The following NIPAL3 variants were observed in gnomAD, a reference collection of about 807,000 sequenced individuals.
The protein encoded by NIPAL3 is NIPA-like protein 3.
A neutral mutation model predicts 47.2 loss-of-function variants in NIPAL3; 41 were observed. The ratio of observed to expected loss-of-function variants is 0.87; its 90% CI spans 0.68 to 1.13. NIPAL3 has a LOEUF of 1.13. Ranked by LOEUF, NIPAL3 falls within the 50% of genes most tolerant of loss-of-function variation. NIPAL3 has a pLI of 0.00. For missense variants in NIPAL3, 449 were observed against 530.1 expected (o/e 0.85, Z 1.50); for synonymous variants, 194 against 209.6 (o/e 0.93, Z 0.64).
rs1291458148 is a variant in NIPAL3, at chr1:24,423,624, C to T, written c.93+3984C>T. 3.3e-5 allele frequency among the ~76,000 whole-genome samples: 5 copies of T among 152,008 alleles called. No homozygotes were observed. The East Asian group carries it at 7.7e-4, about 23-fold the overall frequency. ...CAGCCTGGGGGACAGATCGAGACTC[C>T]GCCTCACACACACACACAAAAAAGG... is the stretch of plus-strand genomic sequence containing the variant. On this transcript the variant is annotated intron_variant, in intron 2 of 11. Transcript: ENST00000374399.
rs74060365 is a variant in NIPAL3, at chr1:24,472,206, C to T, written c.*3021C>T. 3,601 of 152,248 alleles carry T rather than the reference C, an allele frequency of 0.024. 135 individuals carry two copies. The highest frequency in any genetic ancestry group is 0.079 in the African/African-American group (3,268 of 41,524). The allele number at this position is 152,248 out of a possible 1,614,324, so 9.4% of individuals were successfully genotyped here. A position where few individuals can be genotyped will look rare whatever the true frequency, so the allele number is the denominator to read the frequency against. On this transcript the variant is annotated 3_prime_UTR_variant, in exon 12 of 12. Transcript: ENST00000374399. ...AGTGGCATCATCCCACCAACCTGAG[C>T]CATGAAAGGGCTGAGCAGAAAGTTA...
rs896061402 is a variant in NIPAL3, at chr1:24,416,322, C to T, written c.-258+418C>T. On this transcript the variant is annotated intron_variant, in intron 1 of 11. Coordinates refer to ENST00000374399, the MANE Select transcript of NIPAL3 (RefSeq NM_020448.5). This position sits in a 1 kb window ranked among gnomAD's most constrained non-coding sequence, Gnocchi z 4.8. ...GTTGTAAGTTTCCAGCTCAGTGGGA[C>T]GGGACGGAAGAATGTAACCTTCTCG... is the stretch of plus-strand genomic sequence containing the variant. 2.0e-6 allele frequency: 2 copies of T among 985,160 alleles called. No homozygotes were observed. The highest frequency in any genetic ancestry group is 2.4e-6 in the Non-Finnish European group (2 of 829,932). 61.0% of individuals were successfully genotyped at this position (985,160 alleles called of 1,614,324 possible).
chr1:24,430,884 CATTT>C (rs1345373604), intron 2 of NIPAL3, among the ~76,000 whole-genome samples: 1 of 152,178 alleles, frequency 6.6e-6, no homozygotes, highest in Non-Finnish European at 1.5e-5. Context: ...TATATTTTTA[CATTT>C]ATTATGTAGT....
intron 6 of NIPAL3, among the ~76,000 whole-genome samples, chr1:24,453,012 G>C (rs1295573730): frequency 1.3e-5 from 2 of 152,028 alleles, no homozygotes; most frequent in Non-Finnish European, 2.9e-5. Flanking sequence ...TCACATTCTT[G>C]ACCAAATAGG....
At chr1:24,422,945 G>A (rs1557484659) in intron 2 of NIPAL3, among the ~76,000 whole-genome samples, 1 of 152,210 alleles carries the variant, frequency 6.6e-6, no homozygotes, top group African/African-American at 2.4e-5. Flanking sequence ...AAATTTTAAT[G>A]AAGAGGGTGC....
At chr1:24,420,286 GAGGCC>G (rs1211084511) in intron 2 of NIPAL3, among the ~76,000 whole-genome samples, 2 of 152,120 alleles carry the variant, frequency 1.3e-5, no homozygotes, top group Admixed American at 1.3e-4. Context: ...AGGATCTCTT[GAGGCC>G]AGAAGTTTGA....
chr1:24,427,624 C>T (rs1644655646), intron 2 of NIPAL3, among the ~76,000 whole-genome samples: 1 of 152,012 alleles, frequency 6.6e-6, no homozygotes, highest in Non-Finnish European at 1.5e-5. Context: ...ACAATGGAGA[C>T]AGTCTGGAGG....
rs569681515 is a variant in NIPAL3, at chr1:24,441,999, A to G, written c.163-56A>G. The G allele has an allele frequency of 2.6e-4, 415 of 1,579,394 alleles. 4 individuals are homozygous for G. The highest frequency in any genetic ancestry group is 2.4e-3 in the South Asian group (211 of 87,368). On this transcript the variant is annotated intron_variant, in intron 3 of 11. Coordinates refer to ENST00000374399, the MANE Select transcript of NIPAL3 (RefSeq NM_020448.5). ...GGGGTGGATTTAGGGTACCTACATC[A>G]TAGCATTTTTTTCCCCAAACATCTG...
At chr1:24,427,888 C>T (rs1403960870) in intron 2 of NIPAL3, among the ~76,000 whole-genome samples, 1 of 152,140 alleles carries the variant, frequency 6.6e-6, no homozygotes, top group East Asian at 1.9e-4. Flanking sequence ...TTCTCTGGCC[C>T]CGCTTCTCCA....
chr1:24,466,379 T>C (rs1030235498), intron 11 of NIPAL3: 6 of 214,760 alleles, frequency 2.8e-5, no homozygotes, highest in Admixed American at 5.7e-5. Context: ...AGACAAAAAA[T>C]GGACATTGTC....
At chr1:24,421,148 G>A (rs559056868) in intron 2 of NIPAL3, among the ~76,000 whole-genome samples, 2 of 152,024 alleles carry the variant, frequency 1.3e-5, no homozygotes, top group South Asian at 4.2e-4. Flanking sequence ...ATGAAACCCT[G>A]TCTCTACCAA....
intron 3 of NIPAL3, among the ~76,000 whole-genome samples, chr1:24,441,557 C>A (rs576361689): frequency 1.3e-5 from 2 of 152,164 alleles, no homozygotes; most frequent in South Asian, 4.1e-4. Context: ...CCCACTGATA[C>A]CCACACAACT....
intron 2 of NIPAL3, among the ~76,000 whole-genome samples, chr1:24,427,780 C>G (rs1197630060): frequency 6.6e-6 from 1 of 152,152 alleles, no homozygotes; most frequent in Non-Finnish European, 1.5e-5. Flanking sequence ...TCAATACCAG[C>G]CTTTATTATC....
Position 24,451,968 on chromosome 1 carries a change from A to G in NIPAL3, c.541-1440A>G, listed in dbSNP as rs940873127. On this transcript the variant is annotated intron_variant, in intron 6 of 11. Coordinates refer to ENST00000374399, the MANE Select transcript of NIPAL3 (RefSeq NM_020448.5). The surrounding 1 kb of genome is among the most constrained non-coding windows in gnomAD (Gnocchi z 4.5). ...TTCACTGGAACAAAGACAAAGAAGA[A>G]ACGGGGAAATGAAAGCAGCTGTGTT... is the stretch of plus-strand genomic sequence containing the variant. Among the ~76,000 whole-genome samples the G allele has an allele frequency of 6.6e-6, 1 of 152,154 alleles. No individual in the cohort carries two copies. Among genetic ancestry groups the G allele is most frequent in the Non-Finnish European group, 1.5e-5 (1 of 68,012 alleles).
chr1:24,442,138 G>A lies in NIPAL3; in HGVS notation c.246G>A (p.Leu82=). 6.2e-7 allele frequency: 1 copy of A among 1,614,192 alleles called. No homozygotes were observed. Among genetic ancestry groups the A allele is most frequent in the African/African-American group, 1.3e-5 (1 of 75,060 alleles). ...AGACATGGTGGCTGGGCCTGTTCCT[G>A]ATGCTTCTGGGCGAGCTGGGTGTGT... The part of the protein sequence containing the change: ...KTKTWWLGLF[L]MLLGELGVFA... Residue 82 remains leucine, a synonymous_variant, in exon 4 of 12, where the codon CTG becomes CTA. Coordinates refer to ENST00000374399, the MANE Select transcript of NIPAL3 (RefSeq NM_020448.5).
chr1:24,446,733 T>C (rs1335660450), intron 5 of NIPAL3, among the ~76,000 whole-genome samples: 1 of 152,234 alleles, frequency 6.6e-6, no homozygotes, highest in Non-Finnish European at 1.5e-5. Flanking sequence ...AGTGAACATA[T>C]GTGCACATGT....
chr1:24,449,589 C>G lies in NIPAL3; in HGVS notation c.503C>G (p.Thr168Ser). 1 of 1,614,016 alleles carries G rather than the reference C, an allele frequency of 6.2e-7. No individual in the cohort carries two copies. Among genetic ancestry groups the G allele is most frequent in the South Asian group, 1.1e-5 (1 of 91,072 alleles). ...SHEKMTGENV[T>S]RHLVSWPFLL... The stretch of plus-strand genomic sequence containing the variant: ...GAGAAGATGACAGGCGAGAATGTCA[C>G]CAGGCACCTCGTGAGCTGGCCTTTC... Residue 168 changes from threonine to serine, a missense_variant, in exon 6 of 12, where the codon ACC (threonine) becomes AGC (serine). Transcript: ENST00000374399. The surrounding 1 kb of genome is among the most constrained non-coding windows in gnomAD (Gnocchi z 4.5).
rs143362178 is a variant in NIPAL3, at chr1:24,451,351, C to T, written c.540+1725C>T. On this transcript the variant is annotated intron_variant, in intron 6 of 11. Coordinates refer to ENST00000374399, the MANE Select transcript of NIPAL3 (RefSeq NM_020448.5). This position sits in a 1 kb window ranked among gnomAD's most constrained non-coding sequence, Gnocchi z 4.5. ...ACTGTTGGGAGGCACCACATATGCA[C>T]AGCCATCTCATGATATAATGTCCAG... Among the ~76,000 whole-genome samples, 1 of 152,266 alleles carries T rather than the reference C, an allele frequency of 6.6e-6. No individual in the cohort carries two copies. The highest frequency in any genetic ancestry group is 1.9e-4 in the East Asian group (1 of 5,178).
Position 24,415,842 on chromosome 1 carries a change from A to G in NIPAL3, c.-320A>G, listed in dbSNP as rs1281814251. The G allele has an allele frequency of 4.1e-6, 4 of 985,390 alleles. No individual in the cohort carries two copies. The highest frequency in any genetic ancestry group is 4.7e-5 in the South Asian group (1 of 21,294). The allele number at this position is 985,390 out of a possible 1,614,324, so 61.0% of individuals were successfully genotyped here. A position where few individuals can be genotyped will look rare whatever the true frequency, so the allele number is the denominator to read the frequency against. ...GAAGGAGGCTGTGCCTCCGGGTTGC[A>G]CGAAGAGTCCGAGTCATTTCTCAGA... On this transcript the variant is annotated 5_prime_UTR_variant, in exon 1 of 12. Transcript: ENST00000374399.
Sources: allele counts gnomAD v4.1 joint callset (sites outside exome capture counted in the v4.1 genomes callset), GRCh38; gene constraint gnomAD v4.1.1; non-coding constraint Gnocchi (gnomAD v3.1); transcripts MANE v1.5; gene names NCBI Gene and HGNC (gene_info 2026-07-23, HGNC 2026-07-21).